CNIH3: variants seen among roughly 807,000 people sequenced by gnomAD.
CNIH3 encodes the protein cornichon family AMPA receptor auxiliary protein 3.
A neutral mutation model predicts 24.1 loss-of-function variants in CNIH3; 14 were observed. The ratio of observed to expected loss-of-function variants is 0.58; its 90% CI spans 0.38 to 0.91. The LOEUF is 0.91. Among genes scored for constraint, CNIH3 ranks in the 40% least tolerant of loss-of-function variants. CNIH3 has a pLI of 0.00. For missense variants in CNIH3, 178 were observed against 196.8 expected (o/e 0.90, Z 0.57); for synonymous variants, 68 against 73.8 (o/e 0.92, Z 0.40).
At chr1:224,522,419 G>T (rs1267930251) in intron 2 of CNIH3, among the ~76,000 whole-genome samples, 8 of 152,174 alleles carry the variant, frequency 5.3e-5, no homozygotes, top group Non-Finnish European at 1.2e-4. Context: ...ACTCCTCCAG[G>T]ACAGATGACA....
chr1:224,543,750 G>C (rs1679601718), intron 2 of CNIH3, among the ~76,000 whole-genome samples: 1 of 152,168 alleles, frequency 6.6e-6, no homozygotes, highest in African/African-American at 2.4e-5. Flanking sequence ...CATATGCACT[G>C]CATTCCAGGA....
chr1:224,582,604 T>C (rs928383646), intron 4 of CNIH3, among the ~76,000 whole-genome samples: 16 of 152,276 alleles, frequency 1.1e-4, no homozygotes, highest in African/African-American at 2.9e-4. Flanking sequence ...AAATTCTTCT[T>C]GGAGAGAAGG....
intron 1 of CNIH3, chr1:224,454,466 T>A: frequency 3.0e-6 from 1 of 333,998 alleles, no homozygotes; most frequent in Non-Finnish European, 4.3e-6. Flanking sequence ...ACATTTCTGG[T>A]CCCGTCCCTG....
At chr1:224,601,864 T>C (rs549164281) in intron 3 of CNIH3, among the ~76,000 whole-genome samples, 2 of 152,382 alleles carry the variant, frequency 1.3e-5, no homozygotes, top group African/African-American at 2.4e-5. Context: ...CCAGTGGTGA[T>C]TGAATACAGT....
chr1:224,706,023 C>T (rs1687789051), intron 3 of CNIH3, among the ~76,000 whole-genome samples: 1 of 152,066 alleles, frequency 6.6e-6, no homozygotes, highest in African/African-American at 2.4e-5. Context: ...CTAGGCAGCA[C>T]TGCATTTTTC....
chr1:224,453,013 G>A (rs951597727), intron 1 of CNIH3, among the ~76,000 whole-genome samples: 3 of 150,188 alleles, frequency 2.0e-5, no homozygotes, highest in South Asian at 2.1e-4. Context: ...CCAGCTACTC[G>A]GGAAGGCTGA....
At chr1:224,640,863 A>G (rs60017318) in intron 1 of CNIH3, among the ~76,000 whole-genome samples, 5,140 of 152,278 alleles carry the variant, frequency 0.034, 223 homozygotes, top group African/African-American at 0.11. Context: ...TGTTCGGGGC[A>G]GGCTGCAAGC....
intron 1 of CNIH3, among the ~76,000 whole-genome samples, chr1:224,508,132 T>C (rs1457596062): frequency 6.6e-6 from 1 of 152,236 alleles, no homozygotes; most frequent in African/African-American, 2.4e-5. Flanking sequence ...TATTTGGCAA[T>C]AGATAAATTT....
At chr1:224,475,367 G>A (rs7529899) in intron 1 of CNIH3, among the ~76,000 whole-genome samples, 102,982 of 139,496 alleles carry the variant, frequency 0.74, 40,925 homozygotes, top group East Asian at 0.97. Flanking sequence ...AAAAAAAAAA[G>A]AAAAGAAAAG....
At chr1:224,621,002 A>G (rs966417781) in intron 1 of CNIH3, among the ~76,000 whole-genome samples, 1 of 152,240 alleles carries the variant, frequency 6.6e-6, no homozygotes, top group African/African-American at 2.4e-5. Context: ...TGTCTCATTT[A>G]TATAAACACA....
intron 2 of CNIH3, chr1:224,529,059 C>G (rs1409789580): frequency 1.3e-5 from 2 of 152,204 alleles, no homozygotes; most frequent in African/African-American, 4.8e-5. Context: ...GAGGGCGAGT[C>G]GGCTGGGGCA....
chr1:224,562,140 T>C (rs1680400075), intron 3 of CNIH3, among the ~76,000 whole-genome samples: 1 of 152,228 alleles, frequency 6.6e-6, no homozygotes, highest in Non-Finnish European at 1.5e-5. Context: ...GTTGTTACTT[T>C]TGTATTGGGC....
Position 224,497,334 on chromosome 1 carries a change from A to C in CNIH3, n.204-18407A>C, listed in dbSNP as rs146069965. Among the ~76,000 whole-genome samples, 724 of 152,344 alleles carry C rather than the reference A, an allele frequency of 4.8e-3. 1 individual carries two copies. Among genetic ancestry groups the C allele is most frequent in the Non-Finnish European group, 8.6e-3 (584 of 68,036 alleles). ...CAACATAGTGAATATACTAAAAACC[A>C]CTGAACTGTATACTTTAACAAATGA... On this transcript the variant is annotated intron_variant and non_coding_transcript_variant, in intron 1 of 5. Coordinates refer to the CNIH3 transcript ENST00000471578.
intron 1 of CNIH3, among the ~76,000 whole-genome samples, chr1:224,618,989 C>G (rs1041724985): frequency 2.0e-5 from 3 of 152,214 alleles, no homozygotes; most frequent in Non-Finnish European, 4.4e-5. Context: ...TTTAAAGGAA[C>G]TTTCTCAGCT....
intron 1 of CNIH3, among the ~76,000 whole-genome samples, chr1:224,469,533 A>G (rs1440231999): frequency 6.6e-6 from 1 of 152,166 alleles, no homozygotes; most frequent in Non-Finnish European, 1.5e-5. Context: ...ATAGCGACAG[A>G]GTCTTGCTCT....
upstream of CNIH3, among the ~76,000 whole-genome samples, chr1:224,514,599 G>A (rs189165966): frequency 3.3e-5 from 5 of 152,322 alleles, no homozygotes; most frequent in Non-Finnish European, 5.9e-5. Context: ...GGGAGGCTGA[G>A]GTGGGCGGAT....
intron 1 of CNIH3, chr1:224,435,319 A>G (rs923958902): frequency 2.0e-5 from 14 of 686,576 alleles, no homozygotes; most frequent in Non-Finnish European, 2.3e-5. Context: ...GGGTGGAAAA[A>G]CTTGAATTTC....
intron 3 of CNIH3, among the ~76,000 whole-genome samples, chr1:224,723,183 C>T (rs11588322): frequency 0.032 from 4,797 of 152,176 alleles, 99 homozygotes; most frequent in Non-Finnish European, 0.048. Context: ...GAGCAGAGCC[C>T]GGTGCAGTCC....
At chr1:224,545,217 A>AC (rs1403129580) in intron 2 of CNIH3, among the ~76,000 whole-genome samples, 4 of 152,346 alleles carry the variant, frequency 2.6e-5, no homozygotes, top group African/African-American at 9.6e-5. Flanking sequence ...TTTGCTGTCC[A>AC]CCATACCTGT....
Sources: gnomAD v4.1 joint callset for allele counts (sites outside exome capture counted in the v4.1 genomes callset) on GRCh38, gnomAD v4.1.1 for gene constraint, MANE v1.5 for transcripts, NCBI Gene and HGNC (gene_info 2026-07-23, HGNC 2026-07-21) for gene names.